NRP1: variants seen among roughly 807,000 people sequenced by gnomAD.
The protein encoded by NRP1 is neuropilin-1.
Under a neutral mutation model 106.7 loss-of-function variants are expected in NRP1, and 35 were observed. That is an observed-to-expected ratio of 0.33 (90% confidence interval 0.25 to 0.43). The LOEUF (loss-of-function observed/expected upper bound fraction) is 0.43, where lower values mean the gene tolerates loss of function less well. Among genes scored for constraint, NRP1 ranks in the 20% least tolerant of loss-of-function variants. The pLI is 1.00. For missense variants in NRP1, 1,024 were observed against 1,170.4 expected, an observed-to-expected ratio of 0.87 and a Z score of 1.83; for synonymous variants, 437 against 417.9, an observed-to-expected ratio of 1.05 and a Z score of -0.56.
At chr10:33,213,034 G>A (rs910212493) in intron 9 of NRP1, 3 of 574,274 alleles carry the variant, frequency 5.2e-6, no homozygotes, top group African/African-American at 3.7e-5. Context: ...GATGGGGGGA[G>A]GGCAGACCCA....
At chr10:33,281,052 A>AG (rs1844090676) in intron 2 of NRP1, among the ~76,000 whole-genome samples, 1 of 114,258 alleles carries the variant, frequency 8.8e-6, no homozygotes, top group Admixed American at 8.5e-5. Context: ...GCAGCCTTCC[A>AG]AATTTTTTTT....
chr10:33,272,176 T>G (rs12218572), intron 2 of NRP1, among the ~76,000 whole-genome samples: 1 of 151,936 alleles, frequency 6.6e-6, no homozygotes, highest in Non-Finnish European at 1.5e-5. Context: ...ACTGCAACGA[T>G]GCTATCACTA....
At chr10:33,187,646 A>T (rs1836102902) in intron 13 of NRP1, among the ~76,000 whole-genome samples, 1 of 152,180 alleles carries the variant, frequency 6.6e-6, no homozygotes, top group African/African-American at 2.4e-5. Flanking sequence ...CCTGGTCAAC[A>T]CAGCTCATGT....
chr10:33,241,897 G>A (rs993188335), intron 6 of NRP1, among the ~76,000 whole-genome samples: 10 of 152,082 alleles, frequency 6.6e-5, no homozygotes, highest in African/African-American at 2.2e-4. Context: ...TAATCTGTTT[G>A]AATTATTTTT....
chr10:33,230,253 C>T (rs1044387474), intron 6 of NRP1, among the ~76,000 whole-genome samples: 8 of 152,338 alleles, frequency 5.3e-5, no homozygotes, highest in African/African-American at 1.9e-4. Context: ...AGCATCACTG[C>T]TCACACTGCT....
At chr10:33,263,489 A>C (rs1202290810) in intron 4 of NRP1, among the ~76,000 whole-genome samples, 157 bp downstream of exon 4, 1 of 152,122 alleles carries the variant, frequency 6.6e-6, no homozygotes, top group African/African-American at 2.4e-5. Context: ...GAGCTCAAAT[A>C]TTTCATCACT....
chr10:33,234,576 C>T (rs530658813), intron 6 of NRP1, among the ~76,000 whole-genome samples: 1 of 152,160 alleles, frequency 6.6e-6, no homozygotes, highest in African/African-American at 2.4e-5. Context: ...ATAATTTATT[C>T]ATGCTGTCGA....
intron 14 of NRP1, 96 bp downstream of exon 14, chr10:33,186,121 C>T (rs976861792): frequency 4.7e-5 from 67 of 1,428,256 alleles, no homozygotes; most frequent in Admixed American, 2.1e-4. Context: ...GAAATAATTT[C>T]GGAATAATTC....
intron 7 of NRP1, among the ~76,000 whole-genome samples, chr10:33,222,310 A>G (rs563677793): frequency 2.0e-5 from 3 of 152,292 alleles, no homozygotes; most frequent in East Asian, 3.9e-4. Flanking sequence ...TTGCAGCTAC[A>G]GTACTAGGTC....
chr10:33,210,547 G>A (rs1838218911), intron 9 of NRP1, among the ~76,000 whole-genome samples: 1 of 152,162 alleles, frequency 6.6e-6, no homozygotes, highest in African/African-American at 2.4e-5. Context: ...TAGGCTAACT[G>A]ATATAATAAA....
intron 2 of NRP1, among the ~76,000 whole-genome samples, chr10:33,294,574 G>A (rs977322059): frequency 3.5e-5 from 5 of 143,784 alleles, no homozygotes; most frequent in Non-Finnish European, 7.5e-5. Flanking sequence ...GTTGACATCC[G>A]CCACTGCAGT....
intron 10 of NRP1, chr10:33,206,410 A>G: frequency 2.1e-6 from 1 of 483,708 alleles, no homozygotes; most frequent in Non-Finnish European, 4.2e-6. Flanking sequence ...CCACACGGTG[A>G]AGAATAGGAG....
intron 9 of NRP1, 136 bp downstream of exon 9, chr10:33,213,250 T>G (rs1374964823): frequency 6.2e-7 from 1 of 1,603,970 alleles, no homozygotes. Flanking sequence ...TCAAGGGTCT[T>G]ACTGACCCCA....
chr10:33,329,564 C>A (rs571447694), intron 2 of NRP1, among the ~76,000 whole-genome samples: 3 of 152,168 alleles, frequency 2.0e-5, no homozygotes, highest in Non-Finnish European at 2.9e-5. Context: ...TTAGGTCCAG[C>A]GGTAGCAGTA....
At chr10:33,251,124 TC>T (rs999084002) in intron 6 of NRP1, among the ~76,000 whole-genome samples, 2 of 152,186 alleles carry the variant, frequency 1.3e-5, no homozygotes, top group African/African-American at 4.8e-5. Flanking sequence ...GGGGCGGTTT[TC>T]CCCGTGCTCT....
chr10:33,190,709 C>A (rs1218703322), intron 13 of NRP1, among the ~76,000 whole-genome samples: 1 of 152,092 alleles, frequency 6.6e-6, no homozygotes, highest in East Asian at 1.9e-4. Context: ...CTTGAGCAAG[C>A]AGTGCTCTGT....
At chr10:33,313,254 T>C (rs1005885459) in intron 2 of NRP1, among the ~76,000 whole-genome samples, 9 of 152,058 alleles carry the variant, frequency 5.9e-5, no homozygotes, top group African/African-American at 1.9e-4. Context: ...CAGTGAAATA[T>C]GAGTAGGAAG....
chr10:33,321,614 A>T (rs1444493421), intron 2 of NRP1, among the ~76,000 whole-genome samples: 1 of 152,178 alleles, frequency 6.6e-6, no homozygotes, highest in Admixed American at 6.5e-5. Context: ...TCTATGTAAG[A>T]TTATGATTTT....
chr10:33,189,667 A>C (rs1226486130), intron 13 of NRP1, among the ~76,000 whole-genome samples: 2 of 152,234 alleles, frequency 1.3e-5, no homozygotes, highest in African/African-American at 4.8e-5. Flanking sequence ...CCATTCTTTG[A>C]GGTCAAATGC....
Sources: gnomAD v4.1 joint callset for allele counts (sites outside exome capture counted in the v4.1 genomes callset) on GRCh38, gnomAD v4.1.1 for gene constraint, MANE v1.5 for transcripts, NCBI Gene and HGNC (gene_info 2026-07-23, HGNC 2026-07-21) for gene names.